Variants in WFDC9 observed in about 807,000 individuals in gnomAD.
The protein encoded by WFDC9 is WAP four-disulfide core domain 9.
A neutral mutation model predicts 9.5 loss-of-function variants in WFDC9; 9 were observed. That is an observed-to-expected ratio of 0.95 (90% confidence interval 0.57 to 1.65). The LOEUF is 1.65. WFDC9 is among the 40% of genes most tolerant of loss of function. WFDC9 has a pLI of 0.00. For missense variants in WFDC9, 87 were observed against 106.7 expected (o/e 0.82, Z 0.81); for synonymous variants, 33 against 32.3 (o/e 1.02, Z -0.07).
At chr20:45,615,803 A>G (rs1981960470) in intron 1 of WFDC9, among the ~76,000 whole-genome samples, 1 of 152,230 alleles carries the variant, frequency 6.6e-6, no homozygotes, top group Non-Finnish European at 1.5e-5. Context: ...TACTTATTAA[A>G]ATATTAAAAA....
chr20:45,613,765 TC>T (rs1981912916), intron 2 of WFDC9, among the ~76,000 whole-genome samples: 1 of 152,170 alleles, frequency 6.6e-6, no homozygotes, highest in Non-Finnish European at 1.5e-5. Flanking sequence ...AGATACTCAT[TC>T]CTTGAGCCTG....
At chr20:45,631,078 C>T (rs1322609908) in intron 1 of WFDC9, 125 bp downstream of exon 1, 6 of 1,479,826 alleles carry the variant, frequency 4.1e-6, no homozygotes, top group Non-Finnish European at 5.4e-6. Context: ...AAGACTGTGC[C>T]CACATCCGAA....
chr20:45,609,395 G>A (rs1193303844), intron 3 of WFDC9, among the ~76,000 whole-genome samples: 1 of 151,922 alleles, frequency 6.6e-6, no homozygotes, highest in African/African-American at 2.4e-5. Flanking sequence ...ATAGAGACGG[G>A]GTTTCACCAT....
intron 4 of WFDC9, 53 bp downstream of exon 4, chr20:45,608,610 G>T (rs756400447): frequency 9.6e-6 from 15 of 1,570,390 alleles, no homozygotes; most frequent in Middle Eastern, 1.7e-4. Flanking sequence ...AGTCGGTAAG[G>T]ACCAGTGATG....
chr20:45,620,187 G>A (rs530976378), intron 1 of WFDC9, among the ~76,000 whole-genome samples: 1 of 152,256 alleles, frequency 6.6e-6, no homozygotes, highest in South Asian at 2.1e-4. Flanking sequence ...TATGGGATTT[G>A]CTTTTGGTAT....
At chr20:45,620,932 T>A (rs1982084907) in intron 1 of WFDC9, among the ~76,000 whole-genome samples, 1 of 152,204 alleles carries the variant, frequency 6.6e-6, no homozygotes, top group South Asian at 2.1e-4. Flanking sequence ...AGAATCTCTG[T>A]CTTTTAATAA....
intron 1 of WFDC9, chr20:45,630,793 T>A: frequency 2.8e-6 from 4 of 1,448,324 alleles, no homozygotes; most frequent in South Asian, 1.5e-5. Flanking sequence ...GGTTCAAGGG[T>A]CTTGGAGGAG....
intron 4 of WFDC9, 34 bp from the exon 5 acceptor site, chr20:45,608,174 C>A (rs200191490): frequency 1.9e-6 from 3 of 1,599,984 alleles, no homozygotes; most frequent in East Asian, 4.5e-5. Context: ...AGTCAAGAAT[C>A]CTGGGATAAA....
chr20:45,609,241 T>A (rs966906933), intron 3 of WFDC9, among the ~76,000 whole-genome samples: 1 of 151,630 alleles, frequency 6.6e-6, no homozygotes, highest in African/African-American at 2.4e-5. Context: ...TCTTGCCCTG[T>A]CGCCCAGGCT....
At chr20:45,610,838 T>C (rs925757067) in intron 2 of WFDC9, among the ~76,000 whole-genome samples, 6 of 152,196 alleles carry the variant, frequency 3.9e-5, no homozygotes, top group East Asian at 1.9e-4. Context: ...GGAAATTTTA[T>C]TGGTAAAAAG....
chr20:45,608,591 CT>C (rs1352557550), intron 4 of WFDC9, 71 bp downstream of exon 4: 2 of 1,529,726 alleles, frequency 1.3e-6, no homozygotes, highest in Non-Finnish European at 1.8e-6. Context: ...TGGCTGCGGT[CT>C]TTTGAATAGT....
At chr20:45,618,041 A>T (rs902142785) in intron 1 of WFDC9, among the ~76,000 whole-genome samples, 1 of 152,234 alleles carries the variant, frequency 6.6e-6, no homozygotes, top group South Asian at 2.1e-4. Flanking sequence ...AAGGGCCAAC[A>T]GTATCTTAGC....
chr20:45,616,332 A>G (rs1240166465), intron 1 of WFDC9, among the ~76,000 whole-genome samples: 1 of 152,120 alleles, frequency 6.6e-6, no homozygotes, highest in Non-Finnish European at 1.5e-5. Context: ...CATCCACTCA[A>G]GTTTTCTCAT....
intron 1 of WFDC9, among the ~76,000 whole-genome samples, chr20:45,621,646 A>G (rs755144114): frequency 1.1e-4 from 16 of 152,254 alleles, no homozygotes; most frequent in Non-Finnish European, 2.2e-4. Context: ...AGAAGCTGCT[A>G]TATGACCAGC....
At chr20:45,629,719 A>G in intron 1 of WFDC9, 6 of 1,462,266 alleles carry the variant, frequency 4.1e-6, no homozygotes, top group Non-Finnish European at 5.6e-6. Context: ...GCTAAAGATC[A>G]TTCCTTCTTT....
chr20:45,610,188 C>T lies in WFDC9; in HGVS notation c.-7G>A. ...GAAGAATCCAGGGCTTCATGGTGCT[C>T]TCTGTGTGTATTTGGGTTAAGTTCT... is the stretch of plus-strand genomic sequence containing the variant. On this transcript the variant is annotated 5_prime_UTR_variant, in exon 3 of 5. Coordinates refer to ENST00000326000, the MANE Select transcript of WFDC9 (RefSeq NM_147198.4). 3.1e-6 allele frequency: 5 copies of T among 1,613,618 alleles called. No homozygotes were observed. Among genetic ancestry groups the T allele is most frequent in the Middle Eastern group, 1.7e-4 (1 of 6,056 alleles).
At chr20:45,620,919 C>T (rs1982084630) in intron 1 of WFDC9, among the ~76,000 whole-genome samples, 1 of 152,060 alleles carries the variant, frequency 6.6e-6, no homozygotes, top group Non-Finnish European at 1.5e-5. Flanking sequence ...AAATTTTAAT[C>T]TGAGAATCTC....
rs1010115493 is a variant in WFDC9 at position 45,618,268 on chromosome 20, G to A, written c.-152-3547C>T. ...GGATGAGGTTTTGGCTTAAGGGAAT[G>A]TTGTGGCTGGTTTGATCTTCTGTCT... On this transcript the variant is annotated intron_variant, in intron 1 of 4. Transcript: ENST00000326000. Among the ~76,000 whole-genome samples, 27 of 152,226 alleles carry A rather than the reference G, an allele frequency of 1.8e-4. 1 individual carries two copies. Among genetic ancestry groups the A allele is most frequent in the Non-Finnish European group, 2.9e-5 (2 of 68,040 alleles).
intron 2 of WFDC9, 148 bp downstream of exon 2, chr20:45,614,480 C>T (rs1267084212): frequency 6.6e-6 from 1 of 152,176 alleles, no homozygotes; most frequent in Non-Finnish European, 1.5e-5. Context: ...CCTCAGACAG[C>T]TCATGTCACC....
Sources: gnomAD v4.1 joint callset for allele counts (sites outside exome capture counted in the v4.1 genomes callset) on GRCh38, gnomAD v4.1.1 for gene constraint, MANE v1.5 for transcripts, NCBI Gene and HGNC (gene_info 2026-07-23, HGNC 2026-07-21) for gene names.